The following SNTB2 variants were observed in gnomAD, a reference collection of about 807,000 sequenced individuals.
The protein encoded by SNTB2 is beta-2-syntrophin.
A neutral mutation model predicts 46.2 loss-of-function variants in SNTB2; 34 were observed. The ratio of observed to expected loss-of-function variants is 0.74; its 90% confidence interval spans 0.56 to 0.98. The LOEUF (loss-of-function observed/expected upper bound fraction) is 0.98. Ranked by LOEUF, SNTB2 falls within the 50% of genes least tolerant of loss-of-function variation. SNTB2 has a pLI of 0.00. For missense variants in SNTB2, 603 were observed against 731.4 expected, an observed-to-expected ratio of 0.82 and a Z score of 2.02; for synonymous variants, 290 against 312.6, an observed-to-expected ratio of 0.93 and a Z score of 0.76.
At chr16:69,226,770 A>G (rs866138848) in intron 1 of SNTB2, among the ~76,000 whole-genome samples, 12 of 152,164 alleles carry the variant, frequency 7.9e-5, no homozygotes, top group Admixed American at 2.0e-4. Flanking sequence ...GGCTCAAGCA[A>G]TCCTTCTGCC....
chr16:69,291,947 C>T (rs1045915596), intron 5 of SNTB2, among the ~76,000 whole-genome samples: 9 of 148,464 alleles, frequency 6.1e-5, no homozygotes, highest in Non-Finnish European at 1.0e-4. Context: ...AGGCTGGGCA[C>T]GGTGGCTCAC....
intron 2 of SNTB2, among the ~76,000 whole-genome samples, chr16:69,252,143 T>G (rs1371506890): frequency 6.6e-6 from 1 of 152,190 alleles, no homozygotes; most frequent in African/African-American, 2.4e-5. Flanking sequence ...AAACCAAAAA[T>G]GTGTTTGGTA....
chr16:69,252,030 C>T (rs1417146533), intron 2 of SNTB2, among the ~76,000 whole-genome samples: 1 of 152,238 alleles, frequency 6.6e-6, no homozygotes, highest in African/African-American at 2.4e-5. Context: ...TCCACATCCT[C>T]ACCAAAAGGT....
At chr16:69,210,530 G>A (rs1052676340) in intron 1 of SNTB2, among the ~76,000 whole-genome samples, 2 of 148,146 alleles carry the variant, frequency 1.4e-5, no homozygotes, top group South Asian at 2.2e-4. Context: ...GAGCCACCGC[G>A]CCCGGCCATA....
chr16:69,245,644 C>A lies in SNTB2; in HGVS notation c.623C>A (p.Ser208Ter). The stretch of plus-strand genomic sequence containing the variant: ...GTAACACCATATATCAAGAAGCCAT[C>A]ATTAGTATCAGATCTGCCGTGGGAA... Reference protein sequence around the residue: ...REVTPYIKKPSLVSDLPWEGA... With the variant: ...REVTPYIKKP Residue 208 changes from serine to a stop codon, truncating the protein, a stop_gained, in exon 2 of 7, where the codon TCA becomes TAA. Transcript: ENST00000336278. LOFTEE classifies it high-confidence loss of function. 6.2e-7 allele frequency: 1 copy of A among 1,614,084 alleles called. No homozygotes were observed. Among genetic ancestry groups the A allele is most frequent in the Non-Finnish European group, 8.5e-7 (1 of 1,180,000 alleles).
chr16:69,247,674 T>C (rs1460528629), intron 2 of SNTB2, among the ~76,000 whole-genome samples: 2 of 152,110 alleles, frequency 1.3e-5, no homozygotes, highest in Non-Finnish European at 2.9e-5. Flanking sequence ...TCTGAGCAAG[T>C]CCCTTCACTT....
intron 3 of SNTB2, among the ~76,000 whole-genome samples, chr16:69,262,300 C>CT (rs1964841342): frequency 6.7e-6 from 1 of 149,868 alleles, no homozygotes; most frequent in Non-Finnish European, 1.5e-5. Flanking sequence ...GGGGATATTT[C>CT]TTTTTTGTTG....
At chr16:69,224,208 C>CA (rs1964435522) in intron 1 of SNTB2, among the ~76,000 whole-genome samples, 1 of 103,784 alleles carries the variant, frequency 9.6e-6, no homozygotes, top group Non-Finnish European at 1.8e-5. Flanking sequence ...TTTTCCTTTG[C>CA]AATTTTTTTT....
intron 1 of SNTB2, among the ~76,000 whole-genome samples, chr16:69,209,037 G>C (rs999476475): frequency 6.6e-6 from 1 of 150,500 alleles, no homozygotes. Flanking sequence ...GAGTGCAGTC[G>C]CCCGATCTCA....
chr16:69,247,031 T>C (rs1473776308), intron 2 of SNTB2, among the ~76,000 whole-genome samples: 1 of 148,070 alleles, frequency 6.8e-6, no homozygotes, highest in Non-Finnish European at 1.5e-5. Context: ...ACATGTACCC[T>C]AAAACTTAAA....
chr16:69,257,414 C>CTTAT (rs35232643), intron 2 of SNTB2, among the ~76,000 whole-genome samples: 5,740 of 142,326 alleles, frequency 0.04, 117 homozygotes, highest in Middle Eastern at 0.078. Flanking sequence ...GTTCATGACT[C>CTTAT]TTATTTATTT....
intron 4 of SNTB2, among the ~76,000 whole-genome samples, chr16:69,283,822 G>A (rs765878681): frequency 3.3e-5 from 5 of 152,106 alleles, no homozygotes; most frequent in Admixed American, 6.6e-5. Flanking sequence ...GATTATTTGA[G>A]CCCAGGAGTT....
At chr16:69,236,926 G>A (rs1438777800) in intron 1 of SNTB2, among the ~76,000 whole-genome samples, 3 of 152,184 alleles carry the variant, frequency 2.0e-5, no homozygotes, top group African/African-American at 4.8e-5. Flanking sequence ...ACAGAAGAGT[G>A]TGCTTCACAC....
chr16:69,237,802 C>G (rs904918424), intron 1 of SNTB2, among the ~76,000 whole-genome samples: 9 of 151,666 alleles, frequency 5.9e-5, no homozygotes, highest in Admixed American at 5.3e-4. Flanking sequence ...CGGAGTTTCT[C>G]CATGTGGTCA....
intron 1 of SNTB2, among the ~76,000 whole-genome samples, chr16:69,202,002 G>A (rs1964166776): frequency 6.6e-6 from 1 of 152,086 alleles, no homozygotes; most frequent in Non-Finnish European, 1.5e-5. Flanking sequence ...CATTCTCCTT[G>A]TTTACACCTG....
rs1248853897 is a variant in SNTB2 at position 69,305,753 on chromosome 16, T to C, written c.*4829T>C. The C allele has an allele frequency of 6.6e-6, 1 of 151,930 alleles. No individual in the cohort carries two copies. Among genetic ancestry groups the C allele is most frequent in the African/African-American group, 2.4e-5 (1 of 41,402 alleles). The allele number at this position is 151,930 out of a possible 1,614,324, so 9.4% of individuals were successfully genotyped here. On this transcript the variant is annotated 3_prime_UTR_variant, in exon 7 of 7. Coordinates refer to ENST00000336278, the MANE Select transcript of SNTB2 (RefSeq NM_006750.4). The stretch of plus-strand genomic sequence containing the variant: ...ACTTTCAGTTAAATTTCTGTTGTTA[T>C]TGTGGCTTTTTTTTTTTTTTAACCC...
chr16:69,187,822 G>A, intron 1 of SNTB2, 76 bp downstream of exon 1: 1 of 1,206,106 alleles, frequency 8.3e-7, no homozygotes, highest in Non-Finnish European at 1.1e-6. Context: ...TTCCTGCCCC[G>A]CCGGCGGGGC....
intron 1 of SNTB2, among the ~76,000 whole-genome samples, chr16:69,240,320 A>C (rs1047247553): frequency 2.6e-5 from 4 of 152,212 alleles, no homozygotes; most frequent in Non-Finnish European, 5.9e-5. Flanking sequence ...GGTTCATGTC[A>C]CCAGACTCTA....
chr16:69,285,684 C>T (rs28702507), intron 5 of SNTB2, among the ~76,000 whole-genome samples: 1 of 151,492 alleles, frequency 6.6e-6, no homozygotes, highest in Non-Finnish European at 1.5e-5. Flanking sequence ...TAGAGATGGG[C>T]CTCGCTTTGT....
Sources: gnomAD v4.1 joint callset for allele counts (sites outside exome capture counted in the v4.1 genomes callset) on GRCh38, gnomAD v4.1.1 for gene constraint, MANE v1.5 for transcripts, NCBI Gene and HGNC (gene_info 2026-07-23, HGNC 2026-07-21) for gene names.